The following KCNIP1 variants were observed in gnomAD, a reference collection of about 807,000 sequenced individuals.
KCNIP1 encodes the protein potassium voltage-gated channel interacting protein 1.
Under a neutral mutation model 33.0 loss-of-function variants are expected in KCNIP1, and 18 were observed. That is an observed-to-expected ratio of 0.55 (90% CI 0.38 to 0.81). The LOEUF (loss-of-function observed/expected upper bound fraction) is 0.81, where lower values mean the gene tolerates loss of function less well. Among genes scored for constraint, KCNIP1 ranks in the 30% least tolerant of loss-of-function variants. The pLI is 0.00. For synonymous variants in KCNIP1, 93 were observed against 98.3 expected (o/e 0.95, Z 0.32); for missense variants, 238 against 271.6 (o/e 0.88, Z 0.87).
chr5:170,660,332 A>C (rs1761426544), intron 1 of KCNIP1, among the ~76,000 whole-genome samples: 1 of 151,962 alleles, frequency 6.6e-6, no homozygotes, highest in Admixed American at 6.5e-5. Context: ...GAAAATGGAA[A>C]ACTTTTCCCC....
chr5:170,538,209 G>A (rs566854824), intron 1 of KCNIP1, among the ~76,000 whole-genome samples: 8 of 152,170 alleles, frequency 5.3e-5, no homozygotes, highest in East Asian at 1.9e-4. Context: ...GAGTACACGT[G>A]CTTGAACTTC....
At chr5:170,432,508 T>C (rs1755767481) in intron 1 of KCNIP1, among the ~76,000 whole-genome samples, 1 of 152,204 alleles carries the variant, frequency 6.6e-6, no homozygotes, top group South Asian at 2.1e-4. Context: ...AGAATATTCA[T>C]GGCTTGGAGG....
At chr5:170,568,584 G>A (rs62394302) in intron 1 of KCNIP1, among the ~76,000 whole-genome samples, 10 of 140,728 alleles carry the variant, frequency 7.1e-5, no homozygotes, top group Non-Finnish European at 1.2e-4. Flanking sequence ...AGGCCGAGGC[G>A]GGTGGATCAC....
intron 1 of KCNIP1, among the ~76,000 whole-genome samples, chr5:170,554,363 C>T (rs995147981): frequency 2.0e-5 from 3 of 152,062 alleles, no homozygotes; most frequent in African/African-American, 4.8e-5. Context: ...GAGACTTGCT[C>T]GATGTTTATT....
At chr5:170,648,039 T>C (rs1415216492) in intron 1 of KCNIP1, among the ~76,000 whole-genome samples, 2 of 152,160 alleles carry the variant, frequency 1.3e-5, no homozygotes, top group Admixed American at 1.3e-4. Flanking sequence ...GCTCCACATA[T>C]GTCATTAGGG....
chr5:170,709,238 G>C (rs185092955), intron 1 of KCNIP1, among the ~76,000 whole-genome samples: 3 of 152,190 alleles, frequency 2.0e-5, no homozygotes, highest in Admixed American at 1.3e-4. Context: ...GCTGAAAGAG[G>C]TATTTTTAAA....
At chr5:170,416,708 GA>G (rs34825274) in intron 1 of KCNIP1, among the ~76,000 whole-genome samples, 71,097 of 148,976 alleles carry the variant, frequency 0.48, 17,049 homozygotes, top group Admixed American at 0.55. Context: ...TTCCTGCCTA[GA>G]AAAAAAAAAA....
chr5:170,418,294 G>A (rs577737065), intron 1 of KCNIP1, among the ~76,000 whole-genome samples: 1 of 152,230 alleles, frequency 6.6e-6, no homozygotes, highest in East Asian at 1.9e-4. Flanking sequence ...AGCTGGGCAG[G>A]GTGGCATGCA....
intron 1 of KCNIP1, among the ~76,000 whole-genome samples, chr5:170,582,729 T>C (rs1213858393): frequency 1.3e-5 from 2 of 152,174 alleles, no homozygotes; most frequent in Non-Finnish European, 2.9e-5. Context: ...ATAACACTTT[T>C]CACCTTCCAG....
At chr5:170,670,188 C>T (rs1761859105) in intron 1 of KCNIP1, among the ~76,000 whole-genome samples, 1 of 152,186 alleles carries the variant, frequency 6.6e-6, no homozygotes, top group South Asian at 2.1e-4. Context: ...AGACCGTCCT[C>T]TAATATTTTC....
At chr5:170,684,946 C>T (rs558066271) in intron 1 of KCNIP1, among the ~76,000 whole-genome samples, 14 of 144,114 alleles carry the variant, frequency 9.7e-5, no homozygotes, top group Non-Finnish European at 1.5e-5. Context: ...GACAAGAACA[C>T]TTTTACTTCC....
At chr5:170,728,434 G>A (rs577050574) in intron 5 of KCNIP1, among the ~76,000 whole-genome samples, 2 of 152,212 alleles carry the variant, frequency 1.3e-5, no homozygotes, top group African/African-American at 4.8e-5. Flanking sequence ...TGAGAAAAAA[G>A]ACAGCAAGAA....
intron 1 of KCNIP1, among the ~76,000 whole-genome samples, chr5:170,527,580 G>A (rs1467731115): frequency 3.9e-5 from 6 of 151,904 alleles, no homozygotes; most frequent in Non-Finnish European, 7.4e-5. Context: ...AGCAGAACCA[G>A]GCAGTTGAGT....
In KCNIP1 at chr5:170,711,866, C is replaced by T. The variant is rs533870161; in HGVS notation, c.62-6892C>T. Among the ~76,000 whole-genome samples the T allele has an allele frequency of 9.2e-5, 14 of 152,270 alleles. No individual in the cohort carries two copies. The South Asian group carries it at 1.2e-3, about 14-fold the overall frequency. On this transcript the variant is annotated intron_variant, in intron 1 of 7. Transcript: ENST00000328939. ...ACACTCCAATGGATGCCCACCTATA[C>T]GATCACTTTGAAGAGCAGCAGGAAA...
chr5:170,449,482 G>A (rs1053513656), intron 1 of KCNIP1, among the ~76,000 whole-genome samples: 51 of 152,264 alleles, frequency 3.3e-4, no homozygotes, highest in African/African-American at 1.2e-3. Context: ...AGGAAAATCG[G>A]GCAGGTCCTG....
chr5:170,598,883 G>T (rs929879493), intron 1 of KCNIP1, among the ~76,000 whole-genome samples: 1 of 148,536 alleles, frequency 6.7e-6, no homozygotes, highest in Non-Finnish European at 1.5e-5. Context: ...CGTTCCCATA[G>T]CCCCGCTGTG....
chr5:170,552,245 G>T (rs1472943937), intron 1 of KCNIP1, among the ~76,000 whole-genome samples: 1 of 152,164 alleles, frequency 6.6e-6, no homozygotes. Context: ...ACACATTGAG[G>T]CCACACATGT....
At chr5:170,536,296 T>C (rs1054248216) in intron 1 of KCNIP1, among the ~76,000 whole-genome samples, 1 of 152,208 alleles carries the variant, frequency 6.6e-6, no homozygotes, top group Non-Finnish European at 1.5e-5. Flanking sequence ...CTTCCACCAG[T>C]TACTACTGCC....
At chr5:170,587,538 T>G (rs1758047412) in intron 1 of KCNIP1, among the ~76,000 whole-genome samples, 1 of 152,170 alleles carries the variant, frequency 6.6e-6, no homozygotes, top group African/African-American at 2.4e-5. Context: ...AGTGCTGTGT[T>G]CCTTCCGGGG....
Sources: allele counts gnomAD v4.1 joint callset (sites outside exome capture counted in the v4.1 genomes callset), GRCh38; gene constraint gnomAD v4.1.1; transcripts MANE v1.5; gene names NCBI Gene and HGNC (gene_info 2026-07-23, HGNC 2026-07-21).